The following SLC9B2 variants were observed in gnomAD, a reference collection of about 807,000 sequenced individuals.
The protein encoded by SLC9B2 is sodium/hydrogen exchanger 9B2.
A neutral mutation model predicts 52.2 loss-of-function variants in SLC9B2; 39 were observed. The observed-to-expected ratio is 0.75, with a 90% CI of 0.58 to 0.98. The LOEUF is 0.98. Ranked by LOEUF, SLC9B2 falls within the 50% of genes least tolerant of loss-of-function variation. The probability of loss-of-function intolerance (pLI) is 0.00; values close to 1 mark genes in which losing one functional copy is unlikely to be tolerated. For synonymous variants in SLC9B2, 214 were observed against 227.0 expected (o/e 0.94, Z 0.51); for missense variants, 626 against 637.5 (o/e 0.98, Z 0.19).
At chr4:103,054,257 G>C (rs1578466244) in intron 4 of SLC9B2, among the ~76,000 whole-genome samples, 1 of 152,134 alleles carries the variant, frequency 6.6e-6, no homozygotes, top group African/African-American at 2.4e-5. Context: ...TCCACCCTGG[G>C]CAAATGAGAC....
intron 4 of SLC9B2, among the ~76,000 whole-genome samples, chr4:103,052,686 T>A (rs1375504950): frequency 1.3e-5 from 2 of 151,734 alleles, no homozygotes; most frequent in Non-Finnish European, 2.9e-5. Flanking sequence ...TGTTAAGAGG[T>A]TTTTTTGTTT....
At chr4:103,019,431 A>G (rs1741622772), downstream of SLC9B2, among the ~76,000 whole-genome samples, 1 of 152,226 alleles carries the variant, frequency 6.6e-6, no homozygotes, top group Admixed American at 6.5e-5. Flanking sequence ...GAGGAGAGAC[A>G]ATGTCTGTGG....
At chr4:103,057,244 G>GTATATATATATATGTGTA (rs1167451981) in intron 4 of SLC9B2, among the ~76,000 whole-genome samples, 1 of 137,230 alleles carries the variant, frequency 7.3e-6, no homozygotes, top group African/African-American at 2.7e-5. Flanking sequence ...TTAATTTTAA[G>GTATATATATATATGTGTA]TATATATATA....
chr4:103,046,044 T>C (rs1240890344), intron 7 of SLC9B2, among the ~76,000 whole-genome samples: 1 of 152,168 alleles, frequency 6.6e-6, no homozygotes, highest in African/African-American at 2.4e-5. Flanking sequence ...AAACAATGTT[T>C]TAAGAAAATC....
chr4:103,052,049 C>T (rs1286009736), intron 4 of SLC9B2, among the ~76,000 whole-genome samples: 5 of 152,208 alleles, frequency 3.3e-5, no homozygotes, highest in Non-Finnish European at 5.9e-5. Context: ...CTGCTACATG[C>T]TAGCCCTGTA....
At chr4:103,066,987 A>G (rs2110661109) in intron 2 of SLC9B2, among the ~76,000 whole-genome samples, 1 of 151,736 alleles carries the variant, frequency 6.6e-6, no homozygotes, top group South Asian at 2.1e-4. Flanking sequence ...GCATGCAAAT[A>G]TTAAAAAAAA....
At chr4:103,044,853 T>G (rs1239514455) in intron 8 of SLC9B2, 37 bp downstream of exon 8, 2 of 1,493,418 alleles carry the variant, frequency 1.3e-6, no homozygotes, top group Non-Finnish European at 1.9e-6. Context: ...CCAATGATAT[T>G]TCAGAGCACA....
At chr4:103,034,513 A>G (rs1337875342) in intron 9 of SLC9B2, among the ~76,000 whole-genome samples, 1 of 152,176 alleles carries the variant, frequency 6.6e-6, no homozygotes, top group African/African-American at 2.4e-5. Context: ...GAGTAAACAG[A>G]CAACCTTTAG....
rs1029883484 is a variant in SLC9B2 at position 103,023,747 on chromosome 4, A to G, written c.*2623T>C. Among the ~76,000 whole-genome samples, 3 of 152,218 alleles carry G rather than the reference A, an allele frequency of 2.0e-5. No individual in the cohort carries two copies. In the East Asian group the frequency reaches 5.8e-4, roughly 29 times the overall value. On this transcript the variant is annotated 3_prime_UTR_variant, in exon 12 of 12. Coordinates refer to ENST00000394785, the MANE Select transcript of SLC9B2 (RefSeq NM_178833.7). ...GTTTGCTGCATGACCTCAAAATGAA[A>G]ACAGGTATTGGCAGTGGCTTCAGGT...
In SLC9B2 at chr4:103,026,467, CTT is replaced by C. The variant is rs768900718; in HGVS notation, c.1515_1516del (p.Leu507AlafsTer14). 6.2e-7 allele frequency: 1 copy of C among 1,613,912 alleles called. No individual in the cohort carries two copies. Among genetic ancestry groups the C allele is most frequent in the East Asian group, 2.2e-5 (1 of 44,870 alleles). The stretch of plus-strand genomic sequence containing the variant: ...GGGGCCCAGTAAACCAATAAGCAGA[CTT>C]CCAATTGGGGCTGTGATGAGGATGG... On this transcript the variant is annotated frameshift_variant, in exon 12 of 12. Coordinates refer to ENST00000394785, the MANE Select transcript of SLC9B2 (RefSeq NM_178833.7).
In SLC9B2 at chr4:103,056,129, C is replaced by T. The variant is rs769732369; in HGVS notation, c.442+1672G>A. On this transcript the variant is annotated intron_variant, in intron 4 of 11. Coordinates refer to ENST00000394785, the MANE Select transcript of SLC9B2 (RefSeq NM_178833.7). ...TATAATGCAGAATTCTTTGAAGAAA[C>T]GTTAAAGGTATCACACCTAGTTTTA... Among the ~76,000 whole-genome samples, 9 of 151,596 alleles carry T rather than the reference C, an allele frequency of 5.9e-5. No individual in the cohort carries two copies. In the East Asian group the frequency reaches 7.8e-4, roughly 13 times the overall value.
Position 103,026,226 on chromosome 4 carries a change from CA to C in SLC9B2, c.*143del, listed in dbSNP as rs772149003. On this transcript the variant is annotated 3_prime_UTR_variant, in exon 12 of 12. Transcript: ENST00000394785. Reference sequence around the variant, plus strand: ...ATCATTACCACCCACATGGAAAGAGCAAGGGCTAAAAATGCTGTTTAAAGAA... The same window carrying C: ...ATCATTACCACCCACATGGAAAGAGCAGGGCTAAAAATGCTGTTTAAAGAA... 3.1e-5 allele frequency: 22 copies of C among 708,174 alleles called. No individual in the cohort carries two copies. Among genetic ancestry groups the C allele is most frequent in the Non-Finnish European group, 4.6e-5 (20 of 439,550 alleles). 43.9% of individuals were successfully genotyped at this position (708,174 alleles called of 1,614,324 possible). A position where few individuals can be genotyped will look rare whatever the true frequency, so the allele number is the denominator to read the frequency against.
Position 103,023,940 on chromosome 4 carries a change from C to G in SLC9B2, c.*2430G>C, listed in dbSNP as rs1348295020. On this transcript the variant is annotated 3_prime_UTR_variant, in exon 12 of 12. Transcript: ENST00000394785. ...AAAATGCCACTGATGACCTGGGAAA[C>G]AGCATGAAGTGTAACACTTTTTGGT... 6.6e-6 allele frequency among the ~76,000 whole-genome samples: 1 copy of G among 152,142 alleles called. No homozygotes were observed. The highest frequency in any genetic ancestry group is 1.9e-4 in the East Asian group (1 of 5,204).
chr4:103,029,473 A>C (rs561706056), intron 10 of SLC9B2, among the ~76,000 whole-genome samples: 1 of 152,280 alleles, frequency 6.6e-6, no homozygotes, highest in Admixed American at 6.5e-5. Flanking sequence ...GGAATTAGCC[A>C]ATCAGAGCTG....
rs1254277431 is a variant in SLC9B2 at position 103,023,135 on chromosome 4, G to C, written c.*3235C>G. On this transcript the variant is annotated 3_prime_UTR_variant, in exon 12 of 12. Coordinates refer to ENST00000394785, the MANE Select transcript of SLC9B2 (RefSeq NM_178833.7). ...GGACTAAGATCCGAACTGTCGTGTG[G>C]CAAGTAGTTTTCTGATATTGAGAGA... 1.3e-5 allele frequency among the ~76,000 whole-genome samples: 2 copies of C among 152,170 alleles called. No homozygotes were observed. Among genetic ancestry groups the C allele is most frequent in the Non-Finnish European group, 2.9e-5 (2 of 68,024 alleles).
chr4:103,047,014 T>C, intron 7 of SLC9B2, 37 bp downstream of exon 7: 2 of 1,593,922 alleles, frequency 1.3e-6, no homozygotes, highest in Non-Finnish European at 1.7e-6. Flanking sequence ...GTCCCTAGAA[T>C]GCAAGAGTAA....
intron 4 of SLC9B2, among the ~76,000 whole-genome samples, chr4:103,055,846 C>G (rs1017882069): frequency 1.3e-5 from 2 of 151,134 alleles, no homozygotes; most frequent in Non-Finnish European, 2.9e-5. Flanking sequence ...CTCGGTCACC[C>G]AGGCTGGAGT....
intron 3 of SLC9B2, among the ~76,000 whole-genome samples, chr4:103,059,065 A>C (rs551375619): frequency 4.0e-5 from 6 of 151,310 alleles, no homozygotes; most frequent in Non-Finnish European, 7.4e-5. Context: ...ATACCCTGCC[A>C]AAAAAAAAGT....
intron 9 of SLC9B2, among the ~76,000 whole-genome samples, chr4:103,040,099 A>G (rs1254862007): frequency 2.0e-5 from 3 of 152,200 alleles, no homozygotes; most frequent in African/African-American, 7.2e-5. Flanking sequence ...AATAAATAAC[A>G]TATATCTCAC....
Sources: allele counts gnomAD v4.1 joint callset (sites outside exome capture counted in the v4.1 genomes callset), GRCh38; gene constraint gnomAD v4.1.1; transcripts MANE v1.5; gene names NCBI Gene and HGNC (gene_info 2026-07-23, HGNC 2026-07-21).